EVI5: variants seen among roughly 807,000 people sequenced by gnomAD.
EVI5 encodes ecotropic viral integration site 5, also known as ecotropic viral integration site 5 protein homolog.
A neutral mutation model predicts 112.0 loss-of-function variants in EVI5; 73 were observed. The observed-to-expected ratio is 0.65, with a 90% CI of 0.54 to 0.79. The LOEUF is 0.79. EVI5 is among the 30% of genes least tolerant of loss of function. The pLI, the probability that EVI5 is intolerant of heterozygous loss-of-function variation, is 0.00. For missense variants in EVI5, 900 were observed against 968.8 expected, an observed-to-expected ratio of 0.93 and a Z score of 0.94; for synonymous variants, 305 against 319.9, an observed-to-expected ratio of 0.95 and a Z score of 0.50.
chr1:92,555,848 CAAAAA>C (rs148221183), intron 19 of EVI5, among the ~76,000 whole-genome samples: 3 of 94,144 alleles, frequency 3.2e-5, no homozygotes, highest in Non-Finnish European at 4.2e-5. Flanking sequence ...AAACTCGTCT[CAAAAA>C]AAAAAAAAAA....
chr1:92,640,215 T>C (rs953527378), intron 13 of EVI5, among the ~76,000 whole-genome samples: 1 of 152,356 alleles, frequency 6.6e-6, no homozygotes, highest in Non-Finnish European at 1.5e-5. Flanking sequence ...AAAGACTTCA[T>C]GTCTAAAACA....
chr1:92,554,993 GA>G (rs1471858117), intron 19 of EVI5, among the ~76,000 whole-genome samples: 1 of 152,084 alleles, frequency 6.6e-6, no homozygotes, highest in Non-Finnish European at 1.5e-5. Context: ...AAAAAAGAAA[GA>G]AAGAAAGAAA....
chr1:92,720,731 A>C (rs1674599095), intron 2 of EVI5, among the ~76,000 whole-genome samples: 1 of 152,240 alleles, frequency 6.6e-6, no homozygotes, highest in Non-Finnish European at 1.5e-5. Context: ...CATCAGAGTG[A>C]ACAGGCAACC....
chr1:92,754,733 C>T (rs1387964604), intron 1 of EVI5, among the ~76,000 whole-genome samples: 1 of 152,194 alleles, frequency 6.6e-6, no homozygotes, highest in African/African-American at 2.4e-5. Context: ...AAAATGCTTA[C>T]ATGATTTAGC....
In EVI5 at chr1:92,511,901, C is replaced by T. The variant is rs1389787339; in HGVS notation, c.*1755G>A. ...GAAAACTACTTTTATCTCTTCTACT[C>T]TATTTCATATTTTTTTTTTTGCCGC... On this transcript the variant is annotated 3_prime_UTR_variant, in exon 20 of 20. Coordinates refer to ENST00000684568, the MANE Select transcript of EVI5 (RefSeq NM_001350197.2). 2 of 152,016 alleles carry T rather than the reference C, an allele frequency of 1.3e-5. No homozygotes were observed. Among genetic ancestry groups the T allele is most frequent in the African/African-American group, 4.8e-5 (2 of 41,326 alleles). 9.4% of individuals were successfully genotyped at this position (152,016 alleles called of 1,614,324 possible).
chr1:92,660,547 T>C (rs1029485078), intron 13 of EVI5, among the ~76,000 whole-genome samples: 1 of 152,052 alleles, frequency 6.6e-6, no homozygotes, highest in African/African-American at 2.4e-5. Flanking sequence ...TAACGTATTG[T>C]ATATTTGAAA....
intron 1 of EVI5, among the ~76,000 whole-genome samples, chr1:92,783,023 G>A (rs1287207943): frequency 6.6e-6 from 1 of 151,868 alleles, no homozygotes; most frequent in African/African-American, 2.4e-5. Context: ...GTTTTGCCAC[G>A]TTGCCCTGGC....
At chr1:92,689,890 T>C (rs1669205525) in intron 9 of EVI5, among the ~76,000 whole-genome samples, 1 of 151,776 alleles carries the variant, frequency 6.6e-6, no homozygotes, top group South Asian at 2.1e-4. Context: ...AATAATAAAG[T>C]TGTTTTGTTT....
intron 1 of EVI5, among the ~76,000 whole-genome samples, chr1:92,791,460 A>C (rs1422185099): frequency 6.6e-6 from 1 of 152,216 alleles, no homozygotes; most frequent in South Asian, 2.1e-4. Context: ...ACAAATATTC[A>C]AAAATAATAG....
intron 1 of EVI5, among the ~76,000 whole-genome samples, chr1:92,737,841 G>C (rs1361950342): frequency 6.6e-6 from 1 of 152,166 alleles, no homozygotes; most frequent in African/African-American, 2.4e-5. Context: ...CATCTAAAAG[G>C]ACAAAGATTC....
chr1:92,632,687 G>A (rs1192082905), intron 14 of EVI5, among the ~76,000 whole-genome samples: 4 of 151,950 alleles, frequency 2.6e-5, no homozygotes, highest in South Asian at 2.1e-4. Context: ...GTTCTGCTCC[G>A]ATCTTAGTTA....
chr1:92,700,122 T>C (rs562737950), intron 5 of EVI5, among the ~76,000 whole-genome samples: 2 of 152,160 alleles, frequency 1.3e-5, no homozygotes, highest in Non-Finnish European at 2.9e-5. Context: ...ACCAAGTTGT[T>C]TTATAGTCAT....
chr1:92,614,293 T>C (rs971297112), intron 16 of EVI5, among the ~76,000 whole-genome samples: 2 of 152,066 alleles, frequency 1.3e-5, no homozygotes, highest in African/African-American at 4.8e-5. Flanking sequence ...ACAAAAAAAT[T>C]ACAAAGCATA....
rs763503738 is a variant in EVI5, at chr1:92,611,534, T to TA, written c.1828-3808dup. ...TAACACAATGAAACCCTGTCTCTAC[T>TA]AAAAAAAAAAAAAAAAAATTAGCCA... On this transcript the variant is annotated intron_variant, in intron 16 of 19. Coordinates refer to ENST00000684568, the MANE Select transcript of EVI5 (RefSeq NM_001350197.2). Among the ~76,000 whole-genome samples the TA allele has an allele frequency of 3.9e-3, 482 of 122,710 alleles. 2 individuals carry two copies. Among genetic ancestry groups the TA allele is most frequent in the Admixed American group, 8.4e-3 (102 of 12,126 alleles). 80.5% of individuals were successfully genotyped at this position (122,710 alleles called of 152,430 possible). A position where few individuals can be genotyped will look rare whatever the true frequency, so the allele number is the denominator to read the frequency against.
chr1:92,584,730 G>C (rs1435874635), intron 18 of EVI5, among the ~76,000 whole-genome samples: 1 of 152,110 alleles, frequency 6.6e-6, no homozygotes, highest in Non-Finnish European at 1.5e-5. Context: ...ACAAAGGTTT[G>C]AATATTCTTC....
chr1:92,601,204 T>C (rs2101525952), intron 18 of EVI5, among the ~76,000 whole-genome samples: 1 of 152,254 alleles, frequency 6.6e-6, no homozygotes, highest in South Asian at 2.1e-4. Flanking sequence ...TTCTATCACC[T>C]CACACCTGTT....
chr1:92,636,904 A>G (rs1444192268), intron 13 of EVI5, among the ~76,000 whole-genome samples: 1 of 152,192 alleles, frequency 6.6e-6, no homozygotes, highest in East Asian at 1.9e-4. Flanking sequence ...TAATGTGGGT[A>G]TTAGAAAATC....
chr1:92,544,991 G>A (rs894017482), intron 19 of EVI5, among the ~76,000 whole-genome samples: 3 of 152,128 alleles, frequency 2.0e-5, no homozygotes, highest in Non-Finnish European at 4.4e-5. Flanking sequence ...AGCTTGTGGG[G>A]AGTGAAAATC....
At chr1:92,517,546 C>T (rs1660120029) in intron 19 of EVI5, among the ~76,000 whole-genome samples, 1 of 152,180 alleles carries the variant, frequency 6.6e-6, no homozygotes, top group Admixed American at 6.5e-5. Flanking sequence ...GACAAAAGTG[C>T]TTCTGAACTA....
Sources: gnomAD v4.1 joint callset for allele counts (sites outside exome capture counted in the v4.1 genomes callset) on GRCh38, gnomAD v4.1.1 for gene constraint, MANE v1.5 for transcripts, NCBI Gene and HGNC (gene_info 2026-07-23, HGNC 2026-07-21) for gene names.